ZNF462: variants seen among roughly 807,000 people sequenced by gnomAD.
The protein encoded by ZNF462 is zinc finger protein 462.
A neutral mutation model predicts 201.9 loss-of-function variants in ZNF462; 10 were observed. The observed-to-expected ratio is 0.05, with a 90% CI of 0.03 to 0.08. The LOEUF is 0.08. ZNF462 is among the 10% of genes least tolerant of loss of function. ZNF462 has a pLI of 1.00. For synonymous variants in ZNF462, 1,227 were observed against 1,193.3 expected (o/e 1.03, Z -0.58); for missense variants, 2,523 against 3,168.3 (o/e 0.80, Z 4.89).
chr9:106,928,143 G>C lies in ZNF462; in HGVS notation c.4231G>C (p.Asp1411His), dbSNP rs1162495859. 1.9e-6 allele frequency: 3 copies of C among 1,614,192 alleles called. No individual in the cohort carries two copies. Among genetic ancestry groups the C allele is most frequent in the Non-Finnish European group, 1.7e-6 (2 of 1,180,040 alleles). ...SVLLDIIKEK[D>H]AVEKPILSSE... ...GCTACTGGACATCATCAAGGAGAAA[G>C]ATGCTGTGGAGAAGCCCATTCTTTC... The change falls in exon 3 of 13, where the codon GAT becomes CAT. Residue 1411 changes from aspartate (D) to histidine (H), a missense_variant. This residue lies in a region of ZNF462 where 165 missense variants were observed against 142.6 expected (regional missense o/e 1.16). Coordinates refer to ENST00000277225, the MANE Select transcript of ZNF462 (RefSeq NM_021224.6). This position sits in a 1 kb window ranked among gnomAD's most constrained non-coding sequence, Gnocchi z 9.3.
chr9:106,962,909 A>C lies in ZNF462; in HGVS notation c.6428-9096A>C, dbSNP rs185607006. Among the ~76,000 whole-genome samples the C allele has an allele frequency of 6.6e-6, 1 of 152,030 alleles. No homozygotes were observed. Among genetic ancestry groups the C allele is most frequent in the Non-Finnish European group, 1.5e-5 (1 of 67,976 alleles). On this transcript the variant is annotated intron_variant, in intron 7 of 12. Transcript: ENST00000277225. The surrounding 1 kb of genome is among the most constrained non-coding windows in gnomAD (Gnocchi z 4.6). ...GCTCCACTGATGACAGTAGACAAGGAGGTGCCAGAGTCCTTGGCCTGGAGA... is the reference window on the plus strand; with the variant it reads ...GCTCCACTGATGACAGTAGACAAGGCGGTGCCAGAGTCCTTGGCCTGGAGA...
At chr9:106,918,032 C>T (rs541723261) in intron 1 of ZNF462, among the ~76,000 whole-genome samples, 549 of 151,980 alleles carry the variant, frequency 3.6e-3, no homozygotes, top group South Asian at 1.0e-2. Flanking sequence ...CCCACCACCA[C>T]ACCCGGCTAA....
At chr9:106,985,037 G>A (rs1031809458) in intron 10 of ZNF462, among the ~76,000 whole-genome samples, 2 of 152,282 alleles carry the variant, frequency 1.3e-5, no homozygotes, top group Non-Finnish European at 2.9e-5. Flanking sequence ...CTTGAGCCTG[G>A]GAGGTGGAGG....
intron 10 of ZNF462, among the ~76,000 whole-genome samples, chr9:106,989,024 T>G (rs894956655): frequency 6.6e-6 from 1 of 152,144 alleles, no homozygotes; most frequent in Admixed American, 6.6e-5. Context: ...TTGGATAACC[T>G]TTATTTCTTT....
chr9:106,926,698 T>C lies in ZNF462; in HGVS notation c.2786T>C (p.Phe929Ser). The change falls in exon 3 of 13, where the codon TTT becomes TCT. Residue 929 changes from phenylalanine to serine, a missense_variant. Around this residue, in one of 15 missense-constraint regions of ZNF462, gnomAD observed 280 missense variants for 321.3 expected, o/e 0.87. Coordinates refer to ENST00000277225, the MANE Select transcript of ZNF462 (RefSeq NM_021224.6). The surrounding 1 kb of genome is among the most constrained non-coding windows in gnomAD (Gnocchi z 7.9). ...TCGGACCTGATCTACCGGTGTCGGT[T>C]TTGTTCATACACGAGCCCGAATGTT... ...DHSDLIYRCR[F>S]CSYTSPNVRS... is the part of the protein sequence containing the mutation. The C allele has an allele frequency of 6.2e-7, 1 of 1,613,968 alleles. No homozygotes were observed. Among genetic ancestry groups the C allele is most frequent in the Non-Finnish European group, 8.5e-7 (1 of 1,179,988 alleles).
chr9:106,914,754 A>G (rs1490579309), intron 1 of ZNF462, among the ~76,000 whole-genome samples: 1 of 152,188 alleles, frequency 6.6e-6, no homozygotes, highest in Non-Finnish European at 1.5e-5. Flanking sequence ...AGTGAAGGAA[A>G]TAAAGTAGTG....
intron 1 of ZNF462, among the ~76,000 whole-genome samples, chr9:106,878,887 A>C (rs1343705869): frequency 6.6e-6 from 1 of 152,180 alleles, no homozygotes; most frequent in Non-Finnish European, 1.5e-5. Context: ...TAGAGTTTCC[A>C]GTTATTTTTA....
chr9:107,010,932 A>G lies in ZNF462; in HGVS notation c.7423A>G (p.Ile2475Val), dbSNP rs138698217. The change falls in exon 13 of 13, where the codon ATT becomes GTT. Residue 2475 changes from isoleucine to valine, a missense_variant. Coordinates refer to ENST00000277225, the MANE Select transcript of ZNF462 (RefSeq NM_021224.6). This position sits in a 1 kb window ranked among gnomAD's most constrained non-coding sequence, Gnocchi z 4.6. ...AGAGGAAAAGGAAGATGACGAGGCC[A>G]TTGGGATAGACTTTTCCCTAAAGAA... ...SIEEKEDDEA[I>V]GIDFSLKNET... The G allele has an allele frequency of 5.0e-6, 8 of 1,613,640 alleles. No homozygotes were observed. In the Admixed American group the frequency reaches 8.3e-5, roughly 17 times the overall value.
chr9:106,958,854 G>A (rs916820326), intron 7 of ZNF462, among the ~76,000 whole-genome samples: 7 of 152,128 alleles, frequency 4.6e-5, no homozygotes, highest in Non-Finnish European at 8.8e-5. Context: ...TGTCAGGTAA[G>A]GTGGTTGGGG....
chr9:107,002,228 C>T (rs1564166332), intron 10 of ZNF462, among the ~76,000 whole-genome samples: 1 of 152,140 alleles, frequency 6.6e-6, no homozygotes, highest in Non-Finnish European at 1.5e-5. Context: ...AAGTCGGCCT[C>T]GGAATCTAAT....
rs538474008 is a variant in ZNF462 at position 107,013,333 on chromosome 9, A to G, written c.*2303A>G. 57 of 152,298 alleles carry G rather than the reference A, an allele frequency of 3.7e-4. No homozygotes were observed. Among genetic ancestry groups the G allele is most frequent in the Admixed American group, 1.2e-3 (19 of 15,288 alleles). 9.4% of individuals were successfully genotyped at this position (152,298 alleles called of 1,614,324 possible). On this transcript the variant is annotated 3_prime_UTR_variant, in exon 13 of 13. Transcript: ENST00000277225. ...CCGCACATTTTGGATGCATTATTAT[A>G]ATTCTGTTGACTGTAATGACATAGA...
intron 1 of ZNF462, among the ~76,000 whole-genome samples, chr9:106,898,856 G>A (rs1021009225): frequency 6.6e-6 from 1 of 152,128 alleles, no homozygotes; most frequent in African/African-American, 2.4e-5. Flanking sequence ...CAGAATCAGA[G>A]TTACAAAAGC....
intron 9 of ZNF462, chr9:106,975,618 C>T (rs1236655769): frequency 2.6e-5 from 4 of 152,274 alleles, no homozygotes; most frequent in African/African-American, 9.6e-5. Context: ...GCCTGGTGTT[C>T]CGCCTCAGTC....
At chr9:106,940,164 T>C (rs1830806908) in intron 7 of ZNF462, among the ~76,000 whole-genome samples, 1 of 152,188 alleles carries the variant, frequency 6.6e-6, no homozygotes, top group African/African-American at 2.4e-5. Context: ...GTATGTAAAA[T>C]TGTATAGTGA....
In ZNF462 at chr9:106,913,323, T is replaced by TG. The variant is rs1023172150; in HGVS notation, c.-30-10030dup. On this transcript the variant is annotated intron_variant, in intron 1 of 12. Coordinates refer to ENST00000277225, the MANE Select transcript of ZNF462 (RefSeq NM_021224.6). The surrounding 1 kb of genome is among the most constrained non-coding windows in gnomAD (Gnocchi z 4.1). ...TGCTCTCTGGAATTCCTTAGGTTCT[T>TG]GAACGTTTAGTTCGATTTTGTACCA... Among the ~76,000 whole-genome samples, 43 of 152,194 alleles carry TG rather than the reference T, an allele frequency of 2.8e-4. No individual in the cohort carries two copies. The highest frequency in any genetic ancestry group is 9.4e-4 in the African/African-American group (39 of 41,452).
intron 7 of ZNF462, among the ~76,000 whole-genome samples, chr9:106,943,689 T>A (rs1405956471): frequency 1.3e-5 from 2 of 152,172 alleles, no homozygotes; most frequent in African/African-American, 4.8e-5. Flanking sequence ...GATATGCTAT[T>A]TTTTTCTGTC....
chr9:106,985,968 C>T (rs1276063826), intron 10 of ZNF462, among the ~76,000 whole-genome samples: 6 of 152,188 alleles, frequency 3.9e-5, no homozygotes. Flanking sequence ...ACTTCCTGGG[C>T]ATTTCTTCCC....
rs1445367168 is a variant in ZNF462, at chr9:106,933,325, T to C, written c.6116+776T>C. On this transcript the variant is annotated intron_variant, in intron 5 of 12. Coordinates refer to ENST00000277225, the MANE Select transcript of ZNF462 (RefSeq NM_021224.6). The surrounding 1 kb of genome is among the most constrained non-coding windows in gnomAD (Gnocchi z 4.3). The stretch of plus-strand genomic sequence containing the variant: ...CAAAAGATAAAGGGCCAGTTAGTGG[T>C]TGTTGAACAGAAGAAGGAGGTGGTG... 1 of 152,422 alleles carries C rather than the reference T, an allele frequency of 6.6e-6. No individual in the cohort carries two copies. The highest frequency in any genetic ancestry group is 2.4e-5 in the African/African-American group (1 of 41,438). 9.4% of individuals were successfully genotyped at this position (152,422 alleles called of 1,614,324 possible).
chr9:106,867,097 G>C (rs1207173323), intron 1 of ZNF462, among the ~76,000 whole-genome samples: 4 of 152,102 alleles, frequency 2.6e-5, no homozygotes, highest in Non-Finnish European at 5.9e-5. Context: ...TATTTAAGAG[G>C]CATCTTGGAA....
Sources: gnomAD v4.1 joint callset for allele counts (sites outside exome capture counted in the v4.1 genomes callset) on GRCh38, gnomAD v4.1.1 for gene constraint, gnomAD v4.1.1 regional missense constraint, Gnocchi (gnomAD v3.1) non-coding constraint, MANE v1.5 for transcripts, NCBI Gene and HGNC (gene_info 2026-07-23, HGNC 2026-07-21) for gene names.